The following HARS1 variants were observed in gnomAD, a reference collection of about 807,000 sequenced individuals.
HARS1 encodes histidine--tRNA ligase, cytoplasmic.
HARS1 carries 45 observed loss-of-function variants against 63.6 expected under a neutral mutation model. The observed-to-expected ratio is 0.71, with a 90% CI of 0.56 to 0.91. The LOEUF is 0.91. Among genes scored for constraint, HARS1 ranks in the 40% least tolerant of loss-of-function variants. HARS1 has a pLI of 0.00. For missense variants in HARS1, 508 were observed against 643.2 expected (o/e 0.79, Z 2.27); for synonymous variants, 205 against 247.1 (o/e 0.83, Z 1.60).
chr5:140,691,069 C>T (rs1292977163), intron 1 of HARS1, 125 bp from the exon 2 acceptor site: 3 of 909,456 alleles, frequency 3.3e-6, no homozygotes, highest in Non-Finnish European at 5.3e-6. Flanking sequence ...TCTCGGGACC[C>T]ACCCCGGATG....
At chr5:140,674,349 A>T (rs760290165) in intron 12 of HARS1, 21 bp from the exon 13 acceptor site, 1 of 1,527,518 alleles carries the variant, frequency 6.5e-7, no homozygotes, top group Admixed American at 1.7e-5. Flanking sequence ...TGGGAGAAGA[A>T]GGTGGTATAA....
chr5:140,689,415 A>G (rs185537686), intron 2 of HARS1, among the ~76,000 whole-genome samples: 3 of 149,456 alleles, frequency 2.0e-5, no homozygotes, highest in South Asian at 2.1e-4. Context: ...TAGTTGCTAT[A>G]CTATATTTTT....
At chr5:140,688,492 A>G (rs543181820) in intron 2 of HARS1, among the ~76,000 whole-genome samples, 150 of 152,316 alleles carry the variant, frequency 9.8e-4, no homozygotes, top group Non-Finnish European at 1.6e-3. Context: ...AAAAAACCCC[A>G]AAGACTCTAT....
chr5:140,686,262 T>C (rs1035365399), intron 2 of HARS1, among the ~76,000 whole-genome samples: 1 of 151,248 alleles, frequency 6.6e-6, no homozygotes, highest in South Asian at 2.1e-4. Flanking sequence ...GTTTTTGAGA[T>C]GGAGTCTCAC....
intron 2 of HARS1, among the ~76,000 whole-genome samples, chr5:140,687,081 T>G (rs1252144263): frequency 1.3e-5 from 2 of 152,246 alleles, no homozygotes; most frequent in Non-Finnish European, 2.9e-5. Context: ...AACAAGATGT[T>G]CTATGAAAAA....
intron 1 of HARS1, 37 bp from the exon 2 acceptor site, chr5:140,690,981 T>A: frequency 8.5e-7 from 1 of 1,178,732 alleles, no homozygotes; most frequent in Non-Finnish European, 1.3e-6. Flanking sequence ...TATCCATCTG[T>A]CACTCTCCTC....
At chr5:140,682,043 G>A (rs1758760151) in intron 3 of HARS1, among the ~76,000 whole-genome samples, 1 of 152,184 alleles carries the variant, frequency 6.6e-6, no homozygotes, top group African/African-American at 2.4e-5. Flanking sequence ...GGTAGTTGGA[G>A]AAGATTACTT....
At chr5:140,688,085 C>T (rs950535153) in intron 2 of HARS1, among the ~76,000 whole-genome samples, 1 of 151,900 alleles carries the variant, frequency 6.6e-6, no homozygotes, top group South Asian at 2.1e-4. Context: ...GCCTGGGCGA[C>T]AGAGCAAGAC....
At position 140,677,932 on chromosome 5, in the gene HARS1, A is replaced by C; in HGVS notation, c.606T>G (p.Leu202=). The change falls in exon 6 of 13, where the codon CTT becomes CTG. Residue 202 remains leucine (L), a synonymous_variant. Coordinates refer to ENST00000504156, the MANE Select transcript of HARS1 (RefSeq NM_002109.6). ...CCTTGACCAGGAAGTCGCCTATCTG[A>C]AGTGAACTCAGGATCTCGCACATGA... ...LKIMCEILSS[L]QIGDFLVKVN... is the part of the protein sequence containing the mutation. 1 of 1,610,742 alleles carries C rather than the reference A, an allele frequency of 6.2e-7. No individual in the cohort carries two copies. Among genetic ancestry groups the C allele is most frequent in the East Asian group, 2.2e-5 (1 of 44,862 alleles).
At chr5:140,690,474 G>A (rs1202341222) in intron 2 of HARS1, among the ~76,000 whole-genome samples, 1 of 152,008 alleles carries the variant, frequency 6.6e-6, no homozygotes, top group African/African-American at 2.4e-5. Flanking sequence ...AAATCTGTGT[G>A]GGATTATTTG....
At chr5:140,691,136 T>TA in intron 1 of HARS1, 79 bp downstream of exon 1, 1 of 1,153,974 alleles carries the variant, frequency 8.7e-7, no homozygotes, top group Non-Finnish European at 1.3e-6. Flanking sequence ...CTCACATCTC[T>TA]ACCCTATGTC....
At chr5:140,677,859 T>C (rs773042880) in intron 6 of HARS1, 49 bp downstream of exon 6, 16 of 1,426,566 alleles carry the variant, frequency 1.1e-5, no homozygotes, top group Non-Finnish European at 1.6e-5. Context: ...GATCTTCTCT[T>C]GTGAGAGGCC....
chr5:140,684,442 A>G, intron 2 of HARS1: 1 of 977,440 alleles, frequency 1.0e-6, no homozygotes, highest in Non-Finnish European at 1.2e-6. Flanking sequence ...TCCCAATATA[A>G]CTTTTCTTTT....
chr5:140,674,348 A>G lies in HARS1; in HGVS notation c.1459-20T>C, dbSNP rs774857148. 1 of 1,530,876 alleles carries G rather than the reference A, an allele frequency of 6.5e-7. No homozygotes were observed. Among genetic ancestry groups the G allele is most frequent in the Admixed American group, 1.7e-5 (1 of 59,934 alleles). 94.8% of individuals were successfully genotyped at this position (1,530,876 alleles called of 1,614,324 possible). A position where few individuals can be genotyped will look rare whatever the true frequency, so the allele number is the denominator to read the frequency against. On this transcript the variant is annotated intron_variant, in intron 12 of 12. Transcript: ENST00000504156. ...ATCCACCTGGCCAGGATGGGAGAAG[A>G]AGGTGGTATAAGCATCTTCCATTCC...
intron 1 of HARS1, 75 bp downstream of exon 1, chr5:140,691,140 C>T (rs1759400536): frequency 8.5e-7 from 1 of 1,179,744 alleles, no homozygotes; most frequent in African/African-American, 1.5e-5. Flanking sequence ...CATCTCTACC[C>T]TATGTCCCGA....
chr5:140,675,179 G>A (rs778371179), intron 10 of HARS1, 46 bp from the exon 11 acceptor site: 1 of 1,226,716 alleles, frequency 8.2e-7, no homozygotes, highest in Non-Finnish European at 1.2e-6. Flanking sequence ...CACCTTCAAG[G>A]AGCAAACAAA....
In HARS1 at chr5:140,676,841, T is replaced by C. The variant is rs2149823058; in HGVS notation, c.1007A>G (p.Tyr336Cys). 1 of 1,614,196 alleles carries C rather than the reference T, an allele frequency of 6.2e-7. No individual in the cohort carries two copies. Reference sequence around the variant, plus strand: ...TGGGGTCTGTAGCAGCACTGCCTCATAGATCACCCCAGTGTAGTAATCCAG... The same window carrying C: ...TGGGGTCTGTAGCAGCACTGCCTCACAGATCACCCCAGTGTAGTAATCCAG... ...RGLDYYTGVI[Y>C]EAVLLQTPAQ... is the part of the protein sequence containing the mutation. Residue 336 changes from tyrosine to cysteine, a missense_variant, in exon 10 of 13, where the codon TAT becomes TGT. Around this residue, in one of 2 missense-constraint regions of HARS1, gnomAD observed 403 missense variants for 548.7 expected, o/e 0.73. Transcript: ENST00000504156. The surrounding 1 kb of genome is among the most constrained non-coding windows in gnomAD (Gnocchi z 4.1).
chr5:140,678,411 C>A, intron 5 of HARS1: 1 of 204,686 alleles, frequency 4.9e-6, no homozygotes, highest in South Asian at 9.2e-5. Flanking sequence ...GAGCACTGGA[C>A]CAAGAGTTCT....
intron 5 of HARS1, chr5:140,678,794 A>G (rs1212490504): frequency 6.4e-6 from 3 of 468,516 alleles, no homozygotes; most frequent in Non-Finnish European, 1.1e-5. Context: ...CAGTGAGCCA[A>G]GACTGCACCA....
Sources: allele counts gnomAD v4.1 joint callset (sites outside exome capture counted in the v4.1 genomes callset), GRCh38; gene constraint gnomAD v4.1.1; regional missense constraint gnomAD v4.1.1; non-coding constraint Gnocchi (gnomAD v3.1); transcripts MANE v1.5; gene names NCBI Gene and HGNC (gene_info 2026-07-23, HGNC 2026-07-21).